Variants in ATP6V1C2 observed in about 807,000 individuals in gnomAD.
The protein encoded by ATP6V1C2 is V-type proton ATPase subunit C 2.
Under a neutral mutation model 56.8 loss-of-function variants are expected in ATP6V1C2, and 45 were observed. The observed-to-expected ratio is 0.79, with a 90% CI of 0.62 to 1.02. ATP6V1C2 has a LOEUF of 1.02. ATP6V1C2 is among the 50% of genes least tolerant of loss of function. ATP6V1C2 has a pLI of 0.00. For synonymous variants in ATP6V1C2, 220 were observed against 201.3 expected, an observed-to-expected ratio of 1.09 and a Z score of -0.79; for missense variants, 463 against 519.7, an observed-to-expected ratio of 0.89 and a Z score of 1.06.
intron 3 of ATP6V1C2, among the ~76,000 whole-genome samples, chr2:10,741,888 T>TTCCCTCCC (rs1342434771): frequency 1.6e-5 from 1 of 62,254 alleles, no homozygotes; most frequent in Non-Finnish European, 3.2e-5. Flanking sequence ...CCCTCCCTCC[T>TTCCCTCCC]TCCCTCCTTC....
At chr2:10,747,808 T>G (rs1663002622) in intron 3 of ATP6V1C2, among the ~76,000 whole-genome samples, 1 of 152,216 alleles carries the variant, frequency 6.6e-6, no homozygotes, top group Non-Finnish European at 1.5e-5. Flanking sequence ...TCATGTCTCT[T>G]TAGCCTTATT....
intron 3 of ATP6V1C2, among the ~76,000 whole-genome samples, chr2:10,745,735 T>G (rs943622811): frequency 4.6e-5 from 7 of 152,288 alleles, no homozygotes; most frequent in African/African-American, 1.2e-4. Flanking sequence ...TTTTCCATTT[T>G]GAAGAACTGA....
At chr2:10,765,360 G>T (rs1664160685) in intron 5 of ATP6V1C2, among the ~76,000 whole-genome samples, 1 of 152,218 alleles carries the variant, frequency 6.6e-6, no homozygotes, top group African/African-American at 2.4e-5. Context: ...TGATGGCCTG[G>T]CCCTCCCTTC....
chr2:10,781,157 C>T (rs1665325214), intron 12 of ATP6V1C2, among the ~76,000 whole-genome samples: 1 of 152,104 alleles, frequency 6.6e-6, no homozygotes, highest in Non-Finnish European at 1.5e-5. Flanking sequence ...AGGGCTGGAG[C>T]GTATGTCCCT....
chr2:10,736,142 G>A (rs1662230919), intron 3 of ATP6V1C2, among the ~76,000 whole-genome samples: 1 of 151,440 alleles, frequency 6.6e-6, no homozygotes, highest in Non-Finnish European at 1.5e-5. Context: ...TCTGAGTTGG[G>A]GCCTGAGAAC....
At chr2:10,775,409 C>G (rs922316554) in intron 10 of ATP6V1C2, among the ~76,000 whole-genome samples, 2 of 152,238 alleles carry the variant, frequency 1.3e-5, no homozygotes, top group African/African-American at 4.8e-5. Context: ...GAGAGGCAAG[C>G]TGGCCAGAGG....
At chr2:10,721,365 CCGG>C (rs1028419472), upstream of ATP6V1C2, among the ~76,000 whole-genome samples, 1 of 152,146 alleles carries the variant, frequency 6.6e-6, no homozygotes, top group Non-Finnish European at 1.5e-5. Flanking sequence ...TCCACGCGTC[CCGG>C]ACGCGGCAGC....
chr2:10,769,276 G>A (rs548746236), intron 6 of ATP6V1C2, among the ~76,000 whole-genome samples: 1 of 152,376 alleles, frequency 6.6e-6, no homozygotes, highest in African/African-American at 2.4e-5. Context: ...CACTGTGTGG[G>A]AGAGGGAGCA....
At chr2:10,762,911 C>A (rs1350276149) in intron 4 of ATP6V1C2, among the ~76,000 whole-genome samples, 1 of 152,140 alleles carries the variant, frequency 6.6e-6, no homozygotes, top group Non-Finnish European at 1.5e-5. Flanking sequence ...GCTGGCTTCT[C>A]CCCTGGAGCC....
chr2:10,760,833 C>T (rs1663866144), intron 4 of ATP6V1C2, among the ~76,000 whole-genome samples: 2 of 152,186 alleles, frequency 1.3e-5, no homozygotes, highest in South Asian at 4.1e-4. Flanking sequence ...CCATGAAGAC[C>T]TTGGACTTGG....
At chr2:10,768,913 A>T in intron 6 of ATP6V1C2, 103 bp downstream of exon 6, 1 of 905,704 alleles carries the variant, frequency 1.1e-6, no homozygotes, top group South Asian at 1.4e-5. Flanking sequence ...GTGCCCATGC[A>T]TGAGAGTGAG....
intron 3 of ATP6V1C2, among the ~76,000 whole-genome samples, chr2:10,729,125 C>T (rs1010168891): frequency 6.7e-6 from 1 of 148,328 alleles, no homozygotes; most frequent in Non-Finnish European, 1.5e-5. Flanking sequence ...AAGACTTTGT[C>T]TCAAAAAAAA....
At chr2:10,740,929 C>T (rs537987685) in intron 3 of ATP6V1C2, among the ~76,000 whole-genome samples, 4 of 152,340 alleles carry the variant, frequency 2.6e-5, no homozygotes, top group Middle Eastern at 3.4e-3. Flanking sequence ...TCAGGTGATC[C>T]GCCCGCCTTG....
chr2:10,741,618 C>T (rs921618585), intron 3 of ATP6V1C2, among the ~76,000 whole-genome samples: 12 of 152,238 alleles, frequency 7.9e-5, no homozygotes, highest in East Asian at 3.9e-4. Context: ...CCTGCTTTCA[C>T]GGATGGAGAC....
intron 3 of ATP6V1C2, among the ~76,000 whole-genome samples, chr2:10,752,575 C>G (rs1321529919): frequency 1.3e-5 from 2 of 152,220 alleles, no homozygotes; most frequent in Non-Finnish European, 2.9e-5. Context: ...AATGGCTTAG[C>G]CTTCTGGAGC....
intron 5 of ATP6V1C2, among the ~76,000 whole-genome samples, chr2:10,764,691 G>C (rs1664119466): frequency 6.6e-6 from 1 of 152,226 alleles, no homozygotes; most frequent in South Asian, 2.1e-4. Context: ...ACTGATGGTG[G>C]CCGGGCACGG....
intron 1 of ATP6V1C2, among the ~76,000 whole-genome samples, chr2:10,722,522 C>T (rs1307414426): frequency 6.6e-6 from 1 of 152,072 alleles, no homozygotes; most frequent in Non-Finnish European, 1.5e-5. Context: ...GCTTACTGTC[C>T]TCCCGTTTTA....
intron 10 of ATP6V1C2, among the ~76,000 whole-genome samples, chr2:10,775,518 C>T (rs1417149162): frequency 6.6e-6 from 1 of 152,144 alleles, no homozygotes; most frequent in Admixed American, 6.5e-5. Flanking sequence ...AGATTGCAGC[C>T]GTGAGGTTTC....
chr2:10,779,039 C>A (rs1460783719), intron 12 of ATP6V1C2, among the ~76,000 whole-genome samples: 1 of 152,160 alleles, frequency 6.6e-6, no homozygotes, highest in African/African-American at 2.4e-5. Flanking sequence ...GCCTGGAAGC[C>A]GCACCCCTCA....
Sources: gnomAD v4.1 joint callset for allele counts (sites outside exome capture counted in the v4.1 genomes callset) on GRCh38, gnomAD v4.1.1 for gene constraint, MANE v1.5 for transcripts, NCBI Gene and HGNC (gene_info 2026-07-23, HGNC 2026-07-21) for gene names.